NCKIPSD: variants seen among roughly 807,000 people sequenced by gnomAD.
The protein encoded by NCKIPSD is NCK-interacting protein with SH3 domain.
In NCKIPSD, 48 loss-of-function variants were observed where a neutral mutation model predicts 73.4. The ratio of observed to expected loss-of-function variants is 0.65; its 90% CI spans 0.52 to 0.83. The LOEUF is 0.83. NCKIPSD is among the 40% of genes least tolerant of loss of function. The pLI is 0.00. For missense variants in NCKIPSD, 884 were observed against 970.2 expected (o/e 0.91, Z 1.18); for synonymous variants, 422 against 403.6 (o/e 1.05, Z -0.54).
At chr3:48,678,843 G>A in intron 11 of NCKIPSD, 34 bp downstream of exon 11, 1 of 1,613,800 alleles carries the variant, frequency 6.2e-7, no homozygotes, top group Non-Finnish European at 8.5e-7. Context: ...ACAGGGCATG[G>A]AAGTGGTACC....
rs767055821 is a variant in NCKIPSD, at chr3:48,674,643, G to A, written c.2070C>T (p.Ile690=). The A allele has an allele frequency of 6.2e-7, 1 of 1,613,796 alleles. No homozygotes were observed. The highest frequency in any genetic ancestry group is 1.7e-5 in the Admixed American group (1 of 59,958). The part of the protein sequence containing the change: ...LPDLQAILRR[I]LNEEETSPQC... Reference sequence around the variant, plus strand: ...GGGGTGAGGTCTCCTCCTCATTCAGGATGCGTCGCAGTATGGCCTGCAGGT... The same window carrying A: ...GGGGTGAGGTCTCCTCCTCATTCAGAATGCGTCGCAGTATGGCCTGCAGGT... The change falls in exon 13 of 13, where the codon ATC becomes ATT. Residue 690 remains isoleucine (I), a synonymous_variant. Transcript: ENST00000294129.
At position 48,679,800 on chromosome 3, in the gene NCKIPSD, C is replaced by T. The variant is rs2077318769; in HGVS notation, c.1350+1G>A. ...ACCCCTCCCCTCCATCCTGCACATA[C>T]CATTTGGTAATAGGCCACCAAGGCC... On this transcript the variant is annotated splice_donor_variant, in intron 7 of 12. Coordinates refer to ENST00000294129, the MANE Select transcript of NCKIPSD (RefSeq NM_016453.4). LOFTEE classifies it high-confidence loss of function. The T allele has an allele frequency of 6.2e-7, 1 of 1,614,128 alleles. No homozygotes were observed. Among genetic ancestry groups the T allele is most frequent in the Non-Finnish European group, 8.5e-7 (1 of 1,180,050 alleles).
intron 5 of NCKIPSD, 186 bp downstream of exon 5, chr3:48,681,101 G>A (rs2077344458): frequency 1.1e-5 from 10 of 886,018 alleles, no homozygotes; most frequent in African/African-American, 1.7e-5. Flanking sequence ...TCCAGGCTGC[G>A]CATCTGCCTG....
chr3:48,685,608 G>A (rs1460870029), intron 1 of NCKIPSD, 29 bp downstream of exon 1: 5 of 1,509,134 alleles, frequency 3.3e-6, no homozygotes, highest in African/African-American at 1.4e-5. Context: ...CCAGGGGCGC[G>A]GAGGCCGGGC....
Position 48,674,224 on chromosome 3 carries a change from G to T in NCKIPSD, c.*320C>A. 7.9e-7 allele frequency: 1 copy of T among 1,258,164 alleles called. No individual in the cohort carries two copies. Among genetic ancestry groups the T allele is most frequent in the Non-Finnish European group, 1.0e-6 (1 of 990,312 alleles). The allele number at this position is 1,258,164 out of a possible 1,614,324, so 77.9% of individuals were successfully genotyped here. Reference sequence around the variant, plus strand: ...CAGGAGGGGTGGGGATGGGGGTCTGGTCCAGCCTGGAGCGGCAGCAGGACT... The same window carrying T: ...CAGGAGGGGTGGGGATGGGGGTCTGTTCCAGCCTGGAGCGGCAGCAGGACT... On this transcript the variant is annotated 3_prime_UTR_variant, in exon 13 of 13. Coordinates refer to ENST00000294129, the MANE Select transcript of NCKIPSD (RefSeq NM_016453.4).
chr3:48,685,208 AGG>A (rs1287378067), intron 1 of NCKIPSD, among the ~76,000 whole-genome samples: 2 of 5,426 alleles, frequency 3.7e-4, no homozygotes, highest in African/African-American at 7.5e-4. Flanking sequence ...GGAGGGAGGG[AGG>A]GAGGGAGGGA....
chr3:48,678,784 CAG>C (rs1476401752), intron 11 of NCKIPSD, 48 bp from the exon 12 acceptor site: 4 of 1,610,904 alleles, frequency 2.5e-6, no homozygotes, highest in African/African-American at 1.3e-5. Context: ...GTGGGGATCC[CAG>C]AGTCACCCCA....
At chr3:48,685,510 C>A in intron 1 of NCKIPSD, 127 bp downstream of exon 1, 1 of 1,236,176 alleles carries the variant, frequency 8.1e-7, no homozygotes. Context: ...GGTTCTCAAA[C>A]TCCCTGTCTG....
chr3:48,685,814 G>A lies in NCKIPSD; in HGVS notation c.-7C>T, dbSNP rs1008085217. ...CGTACAGCGCGCGGTACATGAGGCCGGGCAGGGCAGGTGCAGGGAAGGTGG... is the reference window on the plus strand; with the variant it reads ...CGTACAGCGCGCGGTACATGAGGCCAGGCAGGGCAGGTGCAGGGAAGGTGG... On this transcript the variant is annotated 5_prime_UTR_variant, in exon 1 of 13. Coordinates refer to ENST00000294129, the MANE Select transcript of NCKIPSD (RefSeq NM_016453.4). 6.8e-7 allele frequency: 1 copy of A among 1,469,722 alleles called. No homozygotes were observed. Among genetic ancestry groups the A allele is most frequent in the Non-Finnish European group, 8.9e-7 (1 of 1,118,784 alleles). The allele number at this position is 1,469,722 out of a possible 1,614,324, so 91.0% of individuals were successfully genotyped here.
chr3:48,683,745 TGTAGGGTAGC>T (rs1404289107), intron 1 of NCKIPSD, among the ~76,000 whole-genome samples: 2 of 151,622 alleles, frequency 1.3e-5, no homozygotes, highest in Non-Finnish European at 2.9e-5. Context: ...ACATGGGGAG[TGTAGGGTAGC>T]AGCTATCAAA....
At chr3:48,676,960 T>A (rs773987762) in intron 12 of NCKIPSD, among the ~76,000 whole-genome samples, 2 of 151,072 alleles carry the variant, frequency 1.3e-5, no homozygotes, top group Non-Finnish European at 3.0e-5. Flanking sequence ...TCGTATTTTG[T>A]ATTTTTAGTA....
At chr3:48,684,610 G>A (rs2077406705) in intron 1 of NCKIPSD, among the ~76,000 whole-genome samples, 1 of 152,234 alleles carries the variant, frequency 6.6e-6, no homozygotes, top group Non-Finnish European at 1.5e-5. Flanking sequence ...TAAAGGATAA[G>A]GACTAGGACG....
intron 12 of NCKIPSD, 35 bp from the exon 13 acceptor site, chr3:48,674,782 G>C: frequency 5.0e-6 from 8 of 1,606,418 alleles, no homozygotes; most frequent in Non-Finnish European, 6.8e-6. Context: ...GGGACCCCAG[G>C]GAGGTACTGC....
chr3:48,685,637 C>A lies in NCKIPSD; in HGVS notation c.171G>T (p.Gln57His). Residue 57 changes from glutamine to histidine, a missense_variant and splice_region_variant, in exon 1 of 13, where the codon CAG becomes CAT. Gln to His is a conservative substitution (Grantham distance 24). Coordinates refer to ENST00000294129, the MANE Select transcript of NCKIPSD (RefSeq NM_016453.4). ...GCCGGGCGGGAAGGGGCGCACTCAC[C>A]TGCAGGCGGCGCAGGTAGGCTGGCG... is the stretch of plus-strand genomic sequence containing the variant. ...YVPPAYLRRL[Q>H]GLEQDVLQAI... The A allele has an allele frequency of 6.6e-7, 1 of 1,521,006 alleles. No individual in the cohort carries two copies. The highest frequency in any genetic ancestry group is 8.8e-7 in the Non-Finnish European group (1 of 1,140,460). The allele number at this position is 1,521,006 out of a possible 1,614,324, so 94.2% of individuals were successfully genotyped here.
intron 7 of NCKIPSD, 35 bp downstream of exon 7, chr3:48,679,758 ATCTAGGTC>A: frequency 6.2e-7 from 1 of 1,614,090 alleles, no homozygotes; most frequent in Non-Finnish European, 8.5e-7. Context: ...CTCCCCCACT[ATCTAGGTC>A]TCTCCATTAC....
At chr3:48,677,598 A>ACC (rs1056109904) in intron 12 of NCKIPSD, among the ~76,000 whole-genome samples, 9 of 151,892 alleles carry the variant, frequency 5.9e-5, no homozygotes, top group African/African-American at 2.2e-4. Flanking sequence ...TCCTCCTTGC[A>ACC]CCCCACTGAC....
intron 5 of NCKIPSD, among the ~76,000 whole-genome samples, chr3:48,680,950 C>A (rs1468148178): frequency 6.6e-6 from 1 of 152,150 alleles, no homozygotes; most frequent in Non-Finnish European, 1.5e-5. Context: ...CTTGGCCACC[C>A]GCATGTCGTC....
chr3:48,675,525 T>TG (rs1559489965), intron 12 of NCKIPSD, among the ~76,000 whole-genome samples: 2,431 of 74,296 alleles, frequency 0.033, 29 homozygotes, highest in Non-Finnish European at 0.046. Flanking sequence ...TATATATATA[T>TG]ATGATATATA....
Position 48,685,738 on chromosome 3 carries a change from A to C in NCKIPSD, c.70T>G (p.Phe24Val). The C allele has an allele frequency of 2.0e-6, 3 of 1,532,626 alleles. No individual in the cohort carries two copies. Among genetic ancestry groups the C allele is most frequent in the Non-Finnish European group, 2.6e-6 (3 of 1,147,572 alleles). The allele number at this position is 1,532,626 out of a possible 1,614,324, so 94.9% of individuals were successfully genotyped here. A position where few individuals can be genotyped will look rare whatever the true frequency, so the allele number is the denominator to read the frequency against. Residue 24 changes from phenylalanine to valine, a missense_variant, in exon 1 of 13, where the codon TTC becomes GTC. Physicochemically the swap from Phe to Val is conservative, Grantham distance 50. Coordinates refer to ENST00000294129, the MANE Select transcript of NCKIPSD (RefSeq NM_016453.4). ...NALAFAAGET[F>V]LVLERSSAHW... ...GCGCTGCTTCGCTCTAGCACCAGGA[A>C]GGTCTCGCCCGCGGCGAACGCCAGC...
Sources: gnomAD v4.1 joint callset for allele counts (sites outside exome capture counted in the v4.1 genomes callset) on GRCh38, gnomAD v4.1.1 for gene constraint, MANE v1.5 for transcripts, NCBI Gene and HGNC (gene_info 2026-07-23, HGNC 2026-07-21) for gene names.